Variants in UGGT1 observed in about 807,000 individuals in gnomAD.
UGGT1 encodes the protein UDP-glucose:glycoprotein glucosyltransferase 1.
Under a neutral mutation model 203.9 loss-of-function variants are expected in UGGT1, and 107 were observed. The ratio of observed to expected loss-of-function variants is 0.52; its 90% CI spans 0.45 to 0.62. The LOEUF is 0.62. UGGT1 is among the 20% of genes least tolerant of loss of function. UGGT1 has a pLI of 0.00. For synonymous variants in UGGT1, 628 were observed against 653.5 expected, an observed-to-expected ratio of 0.96 and a Z score of 0.59; for missense variants, 1,673 against 1,867.2, an observed-to-expected ratio of 0.90 and a Z score of 1.92.
chr2:128,158,314 C>G (rs1690345161), intron 22 of UGGT1, among the ~76,000 whole-genome samples: 1 of 152,148 alleles, frequency 6.6e-6, no homozygotes, highest in South Asian at 2.1e-4. Context: ...TTGTGACCAC[C>G]ACTCAGGTCA....
chr2:128,177,094 G>A (rs986800689), intron 32 of UGGT1, among the ~76,000 whole-genome samples, 196 bp downstream of exon 32: 1 of 151,924 alleles, frequency 6.6e-6, no homozygotes, highest in African/African-American at 2.4e-5. Flanking sequence ...GGGTAATCTC[G>A]GTGTGCAGAA....
intron 24 of UGGT1, 97 bp from the exon 25 acceptor site, chr2:128,161,041 G>A (rs185142749): frequency 2.8e-5 from 40 of 1,430,500 alleles, no homozygotes; most frequent in African/African-American, 2.0e-4. Flanking sequence ...ATGTTCTGGC[G>A]TATGAGGTAG....
intron 19 of UGGT1, 40 bp downstream of exon 19, chr2:128,152,944 C>T: frequency 6.2e-6 from 10 of 1,606,776 alleles, no homozygotes; most frequent in Non-Finnish European, 8.5e-6. Flanking sequence ...CTTTTTTTGA[C>T]TTGTGCTTCA....
intron 15 of UGGT1, 76 bp from the exon 16 acceptor site, chr2:128,138,641 G>C: frequency 6.6e-7 from 1 of 1,513,338 alleles, no homozygotes; most frequent in African/African-American, 1.4e-5. Flanking sequence ...GTATGAGAAG[G>C]GTACAAGGAT....
intron 24 of UGGT1, 127 bp from the exon 25 acceptor site, chr2:128,161,011 A>G (rs1690500366): frequency 9.5e-7 from 1 of 1,049,368 alleles, no homozygotes; most frequent in South Asian, 1.7e-5. Context: ...CTAAACATGT[A>G]CCTGTCTCAG....
intron 31 of UGGT1, 97 bp from the exon 32 acceptor site, chr2:128,176,714 ACTC>A: frequency 2.7e-6 from 3 of 1,118,768 alleles, no homozygotes; most frequent in African/African-American, 1.6e-5. Flanking sequence ...GATCTGGAAA[ACTC>A]CTTTATGAGA....
chr2:128,155,653 T>G, intron 20 of UGGT1, 66 bp downstream of exon 20: 5 of 1,247,646 alleles, frequency 4.0e-6, no homozygotes, highest in Non-Finnish European at 5.7e-6. Context: ...ATATTCATCT[T>G]AATGTGCAAA....
In UGGT1 at chr2:128,147,899, A is replaced by G. The variant is rs146726774; in HGVS notation, c.2016+1932A>G. Among the ~76,000 whole-genome samples, 285 of 152,280 alleles carry G rather than the reference A, an allele frequency of 1.9e-3. 2 individuals are homozygous for G. The highest frequency in any genetic ancestry group is 6.4e-3 in the African/African-American group (266 of 41,558). ...CTCCCACAGTGCTGGGATTACAGGCATGAGCCACCATTTCTGCATATTTAA... is the reference window on the plus strand; with the variant it reads ...CTCCCACAGTGCTGGGATTACAGGCGTGAGCCACCATTTCTGCATATTTAA... On this transcript the variant is annotated intron_variant, in intron 18 of 40. Coordinates refer to ENST00000259253, the MANE Select transcript of UGGT1 (RefSeq NM_020120.4).
intron 23 of UGGT1, 59 bp downstream of exon 23, chr2:128,159,779 AC>A: frequency 6.6e-7 from 1 of 1,517,952 alleles, no homozygotes; most frequent in East Asian, 2.3e-5. Context: ...AAGCTCACCC[AC>A]TGCAGCTTAC....
At chr2:128,122,455 A>G (rs368720342) in intron 10 of UGGT1, among the ~76,000 whole-genome samples, 3 of 151,604 alleles carry the variant, frequency 2.0e-5, no homozygotes, top group African/African-American at 7.3e-5. Context: ...AATCGCTTGA[A>G]CCCGGGAGGT....
chr2:128,140,608 G>A (rs1689373355), intron 16 of UGGT1: 1 of 152,212 alleles, frequency 6.6e-6, no homozygotes, highest in South Asian at 2.1e-4. Context: ...TGCGGCCTGA[G>A]ACTGCAGGCT....
intron 18 of UGGT1, among the ~76,000 whole-genome samples, chr2:128,149,583 G>A (rs2105476465): frequency 6.6e-6 from 1 of 151,106 alleles, no homozygotes; most frequent in South Asian, 2.1e-4. Context: ...GGCTAACATG[G>A]TGAAACCCCA....
intron 40 of UGGT1, among the ~76,000 whole-genome samples, chr2:128,189,148 T>G (rs1226458722): frequency 6.6e-6 from 1 of 152,220 alleles, no homozygotes; most frequent in East Asian, 1.9e-4. Context: ...CCGTTGTGGA[T>G]GTAGCTTGAT....
chr2:128,102,022 C>T (rs964684130), intron 2 of UGGT1, among the ~76,000 whole-genome samples: 1 of 152,130 alleles, frequency 6.6e-6, no homozygotes, highest in Non-Finnish European at 1.5e-5. Context: ...TCTCTGTACC[C>T]ATCATCCTGT....
intron 1 of UGGT1, among the ~76,000 whole-genome samples, 168 bp from the exon 2 acceptor site, chr2:128,097,261 A>G (rs1019389649): frequency 1.3e-5 from 2 of 152,138 alleles, no homozygotes; most frequent in African/African-American, 4.8e-5. Flanking sequence ...CTGTAATCCC[A>G]GCTACTGGGG....
rs529369752 is a variant in UGGT1 at position 128,185,559 on chromosome 2, G to A, written c.4360-1124G>A. Among the ~76,000 whole-genome samples the A allele has an allele frequency of 2.0e-3, 286 of 141,286 alleles. 1 individual carries two copies. Among genetic ancestry groups the A allele is most frequent in the Admixed American group, 5.7e-3 (75 of 13,258 alleles). 92.7% of individuals were successfully genotyped at this position (141,286 alleles called of 152,430 possible). A position where few individuals can be genotyped will look rare whatever the true frequency, so the allele number is the denominator to read the frequency against. ...TGCGATCATGGCTCACTGCAGCCTC[G>A]AACTCCCAGGCTCAGGCGATCCTCC... On this transcript the variant is annotated intron_variant, in intron 38 of 40. Transcript: ENST00000259253.
At chr2:128,175,872 G>A (rs1198331457) in intron 31 of UGGT1, among the ~76,000 whole-genome samples, 1 of 152,202 alleles carries the variant, frequency 6.6e-6, no homozygotes. Flanking sequence ...GTGAATTCAT[G>A]TTGTAATTAT....
rs1573646837 is a variant in UGGT1, at chr2:128,191,051, C to T, written c.*1309C>T. ...ATTGGCCTAAGTGGGCATGAGGCCC[C>T]AGCATCCGACTCCATCTGCCAGGCT... On this transcript the variant is annotated 3_prime_UTR_variant, in exon 41 of 41. Transcript: ENST00000259253. The T allele has an allele frequency of 6.6e-6, 1 of 152,278 alleles. No individual in the cohort carries two copies. The highest frequency in any genetic ancestry group is 1.5e-5 in the Non-Finnish European group (1 of 68,088). 9.4% of individuals were successfully genotyped at this position (152,278 alleles called of 1,614,324 possible). A position where few individuals can be genotyped will look rare whatever the true frequency, so the allele number is the denominator to read the frequency against.
rs919407572 is a variant in UGGT1 at position 128,095,250 on chromosome 2, G to C, written c.59-2179G>C. ...TTCAGTAGGTTTCATTTTTGTGTGT[G>C]TATTCTTTCATTTCTGCAGCCTCTA... On this transcript the variant is annotated intron_variant, in intron 1 of 40. Transcript: ENST00000259253. Among the ~76,000 whole-genome samples the C allele has an allele frequency of 3.9e-5, 6 of 152,050 alleles. No individual in the cohort carries two copies. In the East Asian group the frequency reaches 9.6e-4, roughly 24 times the overall value.
Sources: gnomAD v4.1 joint callset for allele counts (sites outside exome capture counted in the v4.1 genomes callset) on GRCh38, gnomAD v4.1.1 for gene constraint, MANE v1.5 for transcripts, NCBI Gene and HGNC (gene_info 2026-07-23, HGNC 2026-07-21) for gene names.